Variants in PSTPIP1 observed in about 807,000 individuals in gnomAD.
The protein encoded by PSTPIP1 is proline-serine-threonine phosphatase interacting protein 1, also known as proline-serine-threonine phosphatase-interacting protein 1.
Under a neutral mutation model 69.6 loss-of-function variants are expected in PSTPIP1, and 66 were observed. The ratio of observed to expected loss-of-function variants is 0.95; its 90% CI spans 0.78 to 1.16. The LOEUF (loss-of-function observed/expected upper bound fraction) is 1.16, where lower values mean the gene tolerates loss of function less well. Among genes scored for constraint, PSTPIP1 ranks in the 50% most tolerant of loss-of-function variants. The pLI, the probability that PSTPIP1 is intolerant of heterozygous loss-of-function variation, is 0.00. For missense variants in PSTPIP1, 603 were observed against 557.4 expected (o/e 1.08, Z -0.82); for synonymous variants, 266 against 222.7 (o/e 1.19, Z -1.73).
rs1420190742 is a variant in PSTPIP1, at chr15:77,031,239, C to T, written c.702C>T (p.His234=). Residue 234 remains histidine (H), a synonymous_variant, in exon 10 of 15, where the codon CAC becomes CAT. Transcript: ENST00000558012. The stretch of plus-strand genomic sequence containing the variant: ...TTCTCCGCAACGCCCTGTGGGTGCA[C>T]AGCAACCAGCTCTCCATGCAGTGTG... ...LTILRNALWV[H]SNQLSMQCVK... 1 of 1,613,128 alleles carries T rather than the reference C, an allele frequency of 6.2e-7. No individual in the cohort carries two copies. The highest frequency in any genetic ancestry group is 8.5e-7 in the Non-Finnish European group (1 of 1,179,680).
At position 77,027,726 on chromosome 15, in the gene PSTPIP1, G is replaced by A. The variant is rs946895389; in HGVS notation, c.355-126G>A. On this transcript the variant is annotated intron_variant, in intron 5 of 14. Coordinates refer to ENST00000558012, the MANE Select transcript of PSTPIP1 (RefSeq NM_003978.5). The surrounding 1 kb of genome is among the most constrained non-coding windows in gnomAD (Gnocchi z 4.3). ...AGCAGGCTCTGGGGGAGGGAGGGCAGCCTGTCACCCTCTCTCCAGAGCCAG... is the reference window on the plus strand; with the variant it reads ...AGCAGGCTCTGGGGGAGGGAGGGCAACCTGTCACCCTCTCTCCAGAGCCAG... 16 of 1,115,084 alleles carry A rather than the reference G, an allele frequency of 1.4e-5. No individual in the cohort carries two copies. The highest frequency in any genetic ancestry group is 1.9e-5 in the Non-Finnish European group (14 of 755,792). The allele number at this position is 1,115,084 out of a possible 1,614,324, so 69.1% of individuals were successfully genotyped here. A position where few individuals can be genotyped will look rare whatever the true frequency, so the allele number is the denominator to read the frequency against.
At chr15:77,030,471 G>C in intron 8 of PSTPIP1, 31 bp from the exon 9 acceptor site, 2 of 1,605,186 alleles carry the variant, frequency 1.2e-6, no homozygotes, top group Non-Finnish European at 1.7e-6. Context: ...GCTCGTGTCA[G>C]GGCCCTCCCT....
In PSTPIP1 at chr15:77,028,120, CTT is replaced by C. The variant is rs3841234; in HGVS notation, c.417+207_417+208del. On this transcript the variant is annotated intron_variant, in intron 6 of 14. Transcript: ENST00000558012. The stretch of plus-strand genomic sequence containing the variant: ...GGCCCCGTGGGGATGGTCCCGGGCC[CTT>C]CCCTTGTGGGGCTCGTGAATGAAGG... Among the ~76,000 whole-genome samples the C allele has an allele frequency of 0.029, 4,358 of 152,288 alleles. 158 individuals carry two copies. The highest frequency in any genetic ancestry group is 0.088 in the African/African-American group (3,639 of 41,558).
At chr15:76,995,831 T>C (rs923633640) in intron 1 of PSTPIP1, among the ~76,000 whole-genome samples, 1 of 152,240 alleles carries the variant, frequency 6.6e-6, no homozygotes, top group African/African-American at 2.4e-5. Context: ...TGCTGCCCCG[T>C]GTGTTTTCTC....
chr15:77,035,805 CCA>C lies in PSTPIP1; in HGVS notation c.992_993del (p.Thr331ArgfsTer11), dbSNP rs1161395035. 3.7e-6 allele frequency: 6 copies of C among 1,606,762 alleles called. No homozygotes were observed. Among genetic ancestry groups the C allele is most frequent in the Non-Finnish European group, 5.1e-6 (6 of 1,179,286 alleles). On this transcript the variant is annotated frameshift_variant, in exon 14 of 15. Transcript: ENST00000558012. LOFTEE classifies it high-confidence loss of function. Reference sequence around the variant, plus strand: ...CTATGTCTCACCCTGCTCTTAGCGTCCACAGAGACCCTGACCCCCACCCCCGA... The same window carrying C: ...CTATGTCTCACCCTGCTCTTAGCGTCCAGAGACCCTGACCCCCACCCCCGA...
chr15:77,012,967 G>T (rs958972242), intron 1 of PSTPIP1, among the ~76,000 whole-genome samples: 1 of 152,162 alleles, frequency 6.6e-6, no homozygotes, highest in Non-Finnish European at 1.5e-5. Context: ...CCGGGATCCA[G>T]TGGGGAACCT....
chr15:77,033,518 G>A (rs1279446123), intron 12 of PSTPIP1, among the ~76,000 whole-genome samples: 1 of 152,180 alleles, frequency 6.6e-6, no homozygotes, highest in Non-Finnish European at 1.5e-5. Context: ...CCCATTGGGA[G>A]CACTATAGCC....
At chr15:77,023,031 C>A (rs948377773) in intron 3 of PSTPIP1, among the ~76,000 whole-genome samples, 8 of 152,228 alleles carry the variant, frequency 5.3e-5, no homozygotes, top group South Asian at 2.1e-4. Flanking sequence ...CAGTGCTGTA[C>A]GTTCAGGCAG....
intron 8 of PSTPIP1, among the ~76,000 whole-genome samples, chr15:77,029,825 A>G (rs998453570): frequency 1.1e-4 from 17 of 152,038 alleles, no homozygotes; most frequent in Admixed American, 3.3e-4. Flanking sequence ...CCCTTTCTTA[A>G]CAGATGAGGA....
At chr15:77,012,119 AT>A in intron 1 of PSTPIP1, among the ~76,000 whole-genome samples, 2 of 71,914 alleles carry the variant, frequency 2.8e-5, no homozygotes, top group South Asian at 1.1e-3. Context: ...CTGGCCATCC[AT>A]CCATCCATCC....
chr15:77,026,237 T>A, intron 5 of PSTPIP1: 3 of 455,322 alleles, frequency 6.6e-6, no homozygotes, highest in South Asian at 4.7e-5. Context: ...GGATATAGGT[T>A]CCCTGGAGGG....
At chr15:77,015,757 G>C in intron 1 of PSTPIP1, 1 of 361,414 alleles carries the variant, frequency 2.8e-6, no homozygotes, top group South Asian at 2.0e-5. Context: ...GCGCGGGCTG[G>C]GGGAAGGGGT....
Position 77,029,400 on chromosome 15 carries a change from G to C in PSTPIP1, c.517-129G>C, listed in dbSNP as rs1179607001. ...AGGTTGCTTGTGGATGATGGCATCT[G>C]CCCATAGTTGGCTCCTGAATGTTCC... On this transcript the variant is annotated intron_variant, in intron 7 of 14. Transcript: ENST00000558012. 5.8e-6 allele frequency: 6 copies of C among 1,036,748 alleles called. No individual in the cohort carries two copies. The African/African-American group carries it at 9.6e-5, about 17-fold the overall frequency. 64.2% of individuals were successfully genotyped at this position (1,036,748 alleles called of 1,614,324 possible).
chr15:77,026,005 C>A (rs905667075), intron 5 of PSTPIP1: 1 of 433,672 alleles, frequency 2.3e-6, no homozygotes, highest in Admixed American at 2.5e-5. Context: ...GGCAGACTTG[C>A]AGCCAGTCAC....
At chr15:77,000,476 T>TATATATATATATAC (rs1033258180) in intron 1 of PSTPIP1, among the ~76,000 whole-genome samples, 2 of 146,794 alleles carry the variant, frequency 1.4e-5, no homozygotes, top group African/African-American at 5.1e-5. Flanking sequence ...TATATATATA[T>TATATATATATATAC]ACACACACAC....
chr15:77,025,989 GA>G, intron 5 of PSTPIP1: 8 of 426,324 alleles, frequency 1.9e-5, no homozygotes, highest in Admixed American at 5.0e-5. Flanking sequence ...GATTGTCCTG[GA>G]AAAAGGCAGA....
At chr15:77,002,188 G>T (rs1202702233) in intron 1 of PSTPIP1, among the ~76,000 whole-genome samples, 1 of 152,198 alleles carries the variant, frequency 6.6e-6, no homozygotes, top group African/African-American at 2.4e-5. Context: ...GGGACCTAAG[G>T]CACGGCAGGT....
intron 12 of PSTPIP1, 35 bp from the exon 13 acceptor site, chr15:77,035,473 C>T (rs374490916): frequency 1.1e-4 from 167 of 1,562,894 alleles, no homozygotes; most frequent in Non-Finnish European, 1.3e-4. Flanking sequence ...GAGTGTGGGG[C>T]GGGGACACTC....
rs1390493657 is a variant in PSTPIP1 at position 77,037,247 on chromosome 15, C to T, written c.*71C>T. ...GCAGTGCCCCCAGCACTGTCCCCAC[C>T]TTGCTAGGGCCCAGAACCAAGCGTC... is the stretch of plus-strand genomic sequence containing the variant. On this transcript the variant is annotated 3_prime_UTR_variant, in exon 15 of 15. Transcript: ENST00000558012. 6.5e-7 allele frequency: 1 copy of T among 1,532,036 alleles called. No homozygotes were observed. The highest frequency in any genetic ancestry group is 8.8e-7 in the Non-Finnish European group (1 of 1,137,992). 94.9% of individuals were successfully genotyped at this position (1,532,036 alleles called of 1,614,324 possible).
Sources: allele counts gnomAD v4.1 joint callset (sites outside exome capture counted in the v4.1 genomes callset), GRCh38; gene constraint gnomAD v4.1.1; non-coding constraint Gnocchi (gnomAD v3.1); transcripts MANE v1.5; gene names NCBI Gene and HGNC (gene_info 2026-07-23, HGNC 2026-07-21).